PUS10: variants seen among roughly 807,000 people sequenced by gnomAD.
PUS10 encodes tRNA pseudouridine synthase Pus10.
A neutral mutation model predicts 75.0 loss-of-function variants in PUS10; 59 were observed. The observed-to-expected ratio is 0.79, with a 90% CI of 0.64 to 0.98. The LOEUF (loss-of-function observed/expected upper bound fraction) is 0.98. Among genes scored for constraint, PUS10 ranks in the 50% least tolerant of loss-of-function variants. PUS10 has a pLI of 0.00. For synonymous variants in PUS10, 219 were observed against 211.6 expected (o/e 1.03, Z -0.30); for missense variants, 650 against 614.4 (o/e 1.06, Z -0.61).
Position 60,948,191 on chromosome 2 carries a change from G to GGAGAA in PUS10, c.1309-11_1309-7dup. ...TTCTGGTCGATTTTTAAGTCCTAGG[G>GGAGAA]GAGAATATGACACACAGTCCCAGAG... is the stretch of plus-strand genomic sequence containing the variant. On this transcript the variant is annotated splice_region_variant and splice_polypyrimidine_tract_variant and intron_variant, in intron 15 of 17. Transcript: ENST00000316752. 1 of 1,613,886 alleles carries GGAGAA rather than the reference G, an allele frequency of 6.2e-7. No individual in the cohort carries two copies. The highest frequency in any genetic ancestry group is 8.5e-7 in the Non-Finnish European group (1 of 1,179,840).
intron 4 of PUS10, among the ~76,000 whole-genome samples, chr2:61,003,461 CAA>C (rs1315443074): frequency 4.9e-4 from 35 of 70,992 alleles, no homozygotes; most frequent in Admixed American, 6.4e-4. Context: ...GACCCTGTCT[CAA>C]AAAAAAAAAA....
intron 1 of PUS10, among the ~76,000 whole-genome samples, chr2:61,013,555 A>G (rs1227173624): frequency 2.0e-5 from 3 of 152,252 alleles, no homozygotes; most frequent in Non-Finnish European, 4.4e-5. Flanking sequence ...GTGTATACAC[A>G]TTACATAAAC....
At chr2:60,954,987 T>C (rs1304428078) in intron 12 of PUS10, 31 bp downstream of exon 12, 1 of 1,432,248 alleles carries the variant, frequency 7.0e-7, no homozygotes, top group African/African-American at 1.4e-5. Context: ...AGAAAGTTAG[T>C]TCTAATCAGG....
chr2:60,993,991 C>G (rs567824378), intron 4 of PUS10, among the ~76,000 whole-genome samples: 62 of 152,076 alleles, frequency 4.1e-4, no homozygotes, highest in African/African-American at 1.4e-3. Flanking sequence ...GGGTTTCACC[C>G]TGTTAGCCAG....
rs1680130262 is a variant in PUS10 at position 61,018,038 on chromosome 2, T to C, written c.-46A>G. On this transcript the variant is annotated 5_prime_UTR_variant, in exon 1 of 18. Transcript: ENST00000316752. ...GGGACTTTAGTGTCTCACAGCTGTT[T>C]CTGACCCGGCAGCTCTAATCAGCAA... 1.4e-6 allele frequency: 2 copies of C among 1,444,936 alleles called. No individual in the cohort carries two copies. Among genetic ancestry groups the C allele is most frequent in the African/African-American group, 1.4e-5 (1 of 70,034 alleles). 89.5% of individuals were successfully genotyped at this position (1,444,936 alleles called of 1,614,324 possible).
intron 16 of PUS10, among the ~76,000 whole-genome samples, chr2:60,947,291 A>T (rs1178235211): frequency 6.6e-6 from 1 of 152,166 alleles, no homozygotes; most frequent in Non-Finnish European, 1.5e-5. Flanking sequence ...AAAGATCCTG[A>T]TGTAAAGTAG....
chr2:60,960,063 T>G (rs1426055108), intron 11 of PUS10, among the ~76,000 whole-genome samples: 1 of 143,914 alleles, frequency 6.9e-6, no homozygotes, highest in African/African-American at 2.6e-5. Flanking sequence ...ATACCTGTGG[T>G]CCCAGCTACT....
intron 11 of PUS10, among the ~76,000 whole-genome samples, chr2:60,957,412 G>C (rs1675746001): frequency 6.6e-6 from 1 of 152,222 alleles, no homozygotes; most frequent in African/African-American, 2.4e-5. Context: ...CTGGCTAGTG[G>C]GGGAACATGT....
chr2:60,971,547 C>T lies in PUS10; in HGVS notation c.479G>A (p.Trp160Ter), dbSNP rs534742986. 5.0e-6 allele frequency: 8 copies of T among 1,613,582 alleles called. No homozygotes were observed. Among genetic ancestry groups the T allele is most frequent in the East Asian group, 2.2e-5 (1 of 44,860 alleles). Residue 160 changes from tryptophan to a stop codon, truncating the protein, a stop_gained, in exon 5 of 18, where the codon TGG (tryptophan) becomes TAG (stop). Transcript: ENST00000316752. LOFTEE classifies it high-confidence loss of function. ...PQLSVREHAA[W>*]LLVKQEMGKQ... ...CCCCATTTCCTGTTTTACCAGCAAC[C>T]ATGCAGCATGCTGTAGGCAATTTAG...
At chr2:60,986,943 T>C (rs553357392) in intron 4 of PUS10, among the ~76,000 whole-genome samples, 1 of 152,356 alleles carries the variant, frequency 6.6e-6, no homozygotes, top group Non-Finnish European at 1.5e-5. Flanking sequence ...ATTGGAAGTT[T>C]AAATGAGATA....
intron 4 of PUS10, among the ~76,000 whole-genome samples, chr2:60,979,431 G>A (rs557354084): frequency 3.9e-5 from 6 of 152,162 alleles, no homozygotes; most frequent in African/African-American, 1.2e-4. Flanking sequence ...TGTCTCAGGC[G>A]TGGTGGCAAA....
intron 17 of PUS10, among the ~76,000 whole-genome samples, chr2:60,943,762 TTGTGTGTGTGTGTGTG>T (rs56232022): frequency 6.8e-6 from 1 of 146,740 alleles, no homozygotes; most frequent in African/African-American, 2.5e-5. Flanking sequence ...GATCACAATC[TTGTGTGTGTGTGTGTG>T]TGTGTGTGTG....
chr2:60,961,163 C>A (rs1001445780), intron 10 of PUS10, among the ~76,000 whole-genome samples: 2 of 152,114 alleles, frequency 1.3e-5, no homozygotes, highest in Non-Finnish European at 2.9e-5. Context: ...TTCTCCAAAC[C>A]AGTTTTGGGT....
At chr2:60,974,267 G>A (rs1352866801) in intron 4 of PUS10, among the ~76,000 whole-genome samples, 2 of 140,736 alleles carry the variant, frequency 1.4e-5, no homozygotes, top group Non-Finnish European at 3.0e-5. Context: ...CCAGGCTGGA[G>A]TGCAGTGGTG....
intron 4 of PUS10, among the ~76,000 whole-genome samples, chr2:60,996,922 ACTT>A (rs1678503231): frequency 1.3e-5 from 2 of 152,218 alleles, no homozygotes; most frequent in African/African-American, 4.8e-5. Flanking sequence ...ATGGGTTTAC[ACTT>A]GGGTGGTGGC....
intron 11 of PUS10, among the ~76,000 whole-genome samples, chr2:60,957,065 T>C (rs1428903097): frequency 7.0e-6 from 1 of 143,756 alleles, no homozygotes; most frequent in Non-Finnish European, 1.5e-5. Context: ...GACTCCAGAG[T>C]GAGAGAAACC....
intron 15 of PUS10, among the ~76,000 whole-genome samples, chr2:60,950,990 T>C (rs111893410): frequency 9.8e-5 from 15 of 152,320 alleles, no homozygotes; most frequent in Middle Eastern, 3.4e-3. Context: ...AACCCACTGA[T>C]AGGTATTATT....
At chr2:60,965,190 G>T in intron 7 of PUS10, 87 bp from the exon 8 acceptor site, 2 of 1,334,252 alleles carry the variant, frequency 1.5e-6, no homozygotes, top group Non-Finnish European at 1.1e-6. Context: ...CAAAATGGCT[G>T]CTAAACTCAG....
Position 61,010,798 on chromosome 2 carries a change from C to T in PUS10, c.126+967G>A, listed in dbSNP as rs1206473433. On this transcript the variant is annotated intron_variant, in intron 2 of 17. Coordinates refer to ENST00000316752, the MANE Select transcript of PUS10 (RefSeq NM_144709.4). ...AGTTCCAAATCCTAGGTTTTGAATT[C>T]AGTCAGACTGTTCAAATCCTAGCTT... The T allele has an allele frequency of 1.8e-5, 28 of 1,550,222 alleles. 1 individual carries two copies. The highest frequency in any genetic ancestry group is 3.3e-4 in the Middle Eastern group (2 of 6,012).
Sources: gnomAD v4.1 joint callset for allele counts (sites outside exome capture counted in the v4.1 genomes callset) on GRCh38, gnomAD v4.1.1 for gene constraint, MANE v1.5 for transcripts, NCBI Gene and HGNC (gene_info 2026-07-23, HGNC 2026-07-21) for gene names.